Variants in SPTY2D1 observed in about 807,000 individuals in gnomAD.
SPTY2D1 encodes the protein protein SPT2 homolog.
In SPTY2D1, 21 loss-of-function variants were observed where a neutral mutation model predicts 64.0. The ratio of observed to expected loss-of-function variants is 0.33; its 90% CI spans 0.23 to 0.47. SPTY2D1 has a LOEUF of 0.47. Among genes scored for constraint, SPTY2D1 ranks in the 20% least tolerant of loss-of-function variants. The pLI, the probability that SPTY2D1 is intolerant of heterozygous loss-of-function variation, is 1.00. For synonymous variants in SPTY2D1, 287 were observed against 286.8 expected (o/e 1.00, Z -0.01); for missense variants, 724 against 837.2 (o/e 0.86, Z 1.67).
At chr11:18,622,744 G>C (rs1200476324) in intron 1 of SPTY2D1, among the ~76,000 whole-genome samples, 1 of 152,026 alleles carries the variant, frequency 6.6e-6, no homozygotes, top group African/African-American at 2.4e-5. Context: ...CTGAGGTCAG[G>C]AGTTCGAGAC....
Position 18,615,658 on chromosome 11 carries a change from C to G in SPTY2D1, c.616G>C (p.Glu206Gln), listed in dbSNP as rs755581963. Residue 206 changes from glutamate to glutamine, a missense_variant, in exon 3 of 6, where the codon GAA (glutamate) becomes CAA (glutamine). By Grantham distance (29) the Glu-to-Gln change is conservative (BLOSUM62 2). Around this residue, in one of 3 missense-constraint regions of SPTY2D1, gnomAD observed 426 missense variants for 431.8 expected, o/e 0.99. Transcript: ENST00000336349. ...CTCCTATGCTTTCGTTCAAGGAATT[C>G]TCGCTCCCTAAGTTCTTCTGCGGTC... is the stretch of plus-strand genomic sequence containing the variant. Reference protein sequence around the residue: ...PMTAEELREREFLERKHRRKK... With the variant: ...PMTAEELRERQFLERKHRRKK... 12 of 1,614,174 alleles carry G rather than the reference C, an allele frequency of 7.4e-6. No individual in the cohort carries two copies. Among genetic ancestry groups the G allele is most frequent in the Non-Finnish European group, 1.0e-5 (12 of 1,180,030 alleles).
chr11:18,626,723 T>C (rs1389350962), intron 1 of SPTY2D1, among the ~76,000 whole-genome samples: 2 of 152,228 alleles, frequency 1.3e-5, no homozygotes, highest in East Asian at 3.8e-4. Flanking sequence ...AATTAATATA[T>C]AAAGTGCTTA....
At position 18,616,177 on chromosome 11, in the gene SPTY2D1, C is replaced by T. The variant is rs753308598; in HGVS notation, c.176-79G>A. The T allele has an allele frequency of 2.3e-6, 3 of 1,319,506 alleles. No individual in the cohort carries two copies. The African/African-American group carries it at 4.4e-5, about 19-fold the overall frequency. The allele number at this position is 1,319,506 out of a possible 1,614,324, so 81.7% of individuals were successfully genotyped here. On this transcript the variant is annotated intron_variant, in intron 2 of 5. Coordinates refer to ENST00000336349, the MANE Select transcript of SPTY2D1 (RefSeq NM_194285.3). ...TATGCTCAAGTGAAAACACAACGTT[C>T]AGGTTACAGTTTGAAGACATCTAGG...
Position 18,614,957 on chromosome 11 carries a change from T to C in SPTY2D1, c.1317A>G (p.Ala439=), listed in dbSNP as rs61884737. The change falls in exon 3 of 6, where the codon GCA becomes GCG. Residue 439 remains alanine, a synonymous_variant. Coordinates refer to ENST00000336349, the MANE Select transcript of SPTY2D1 (RefSeq NM_194285.3). The part of the protein sequence containing the change: ...VSGTCGPGQP[A]SSSGGPGRPI... ...GTCGCCCAGGGCCACCTGAGCTGCT[T>C]GCAGGTTGTCCAGGGCCACATGTAC... The C allele has an allele frequency of 0.048, 77,593 of 1,614,068 alleles. 2,184 individuals carry two copies. The highest frequency in any genetic ancestry group is 0.054 in the Non-Finnish European group (63,758 of 1,179,986).
Position 18,612,455 on chromosome 11 carries a change from T to C in SPTY2D1, c.1745A>G (p.Lys582Arg). 2 of 1,607,584 alleles carry C rather than the reference T, an allele frequency of 1.2e-6. 1 individual carries two copies. Among genetic ancestry groups the C allele is most frequent in the Non-Finnish European group, 1.7e-6 (2 of 1,176,886 alleles). Residue 582 changes from lysine to arginine, a missense_variant, in exon 4 of 6, where the codon AAA (lysine) becomes AGA (arginine). Coordinates refer to ENST00000336349, the MANE Select transcript of SPTY2D1 (RefSeq NM_194285.3). The surrounding 1 kb of genome is among the most constrained non-coding windows in gnomAD (Gnocchi z 4.6). ...PQRLPFPTGYKRQREYEEEDD... is the reference protein window; with the variant it reads ...PQRLPFPTGYRRQREYEEEDD... ...TTCCTCTTCATATTCTCGCTGCCTT[T>C]TGTAACCAGTAGGGAAGGGAAGCCT... is the stretch of plus-strand genomic sequence containing the variant.
intron 1 of SPTY2D1, among the ~76,000 whole-genome samples, chr11:18,623,792 G>A (rs1376589379): frequency 6.6e-6 from 1 of 152,238 alleles, no homozygotes; most frequent in Non-Finnish European, 1.5e-5. Flanking sequence ...GTTCCATGGA[G>A]AACACTGACA....
intron 1 of SPTY2D1, among the ~76,000 whole-genome samples, chr11:18,622,678 G>A (rs1318076833): frequency 2.0e-5 from 3 of 152,020 alleles, no homozygotes; most frequent in African/African-American, 4.8e-5. Flanking sequence ...CCGGCTGGGC[G>A]CGGTGGCTCA....
chr11:18,628,714 G>C (rs746750883), intron 1 of SPTY2D1, among the ~76,000 whole-genome samples: 3 of 152,132 alleles, frequency 2.0e-5, no homozygotes, highest in African/African-American at 4.8e-5. Context: ...CCAGGACCTC[G>C]TTATTAAGGT....
In SPTY2D1 at chr11:18,606,986, C is replaced by T. The variant is rs911618693; in HGVS notation, c.*2875G>A. 10 of 288,072 alleles carry T rather than the reference C, an allele frequency of 3.5e-5. No individual in the cohort carries two copies. Among genetic ancestry groups the T allele is most frequent in the Admixed American group, 1.2e-4 (2 of 16,234 alleles). 17.8% of individuals were successfully genotyped at this position (288,072 alleles called of 1,614,324 possible). ...AGCGATTCTCCTGCCTCAGCCTCCC[C>T]GGTAGCTGGGATTACAGGTGTGTGC... On this transcript the variant is annotated 3_prime_UTR_variant, in exon 6 of 6. Transcript: ENST00000336349.
At position 18,615,590 on chromosome 11, in the gene SPTY2D1, G is replaced by C. The variant is rs1854286018; in HGVS notation, c.684C>G (p.Ser228=). ...TTTCTTTCTGAGAGGGTGCCTTTTT[G>C]GACACAGTTGGAGGTAGTTTTCCAT... is the stretch of plus-strand genomic sequence containing the variant. The part of the protein sequence containing the change: ...ETDGKLPPTV[S]KKAPSQKESV... The change falls in exon 3 of 6, where the codon TCC becomes TCG. Residue 228 remains serine, a synonymous_variant. Coordinates refer to ENST00000336349, the MANE Select transcript of SPTY2D1 (RefSeq NM_194285.3). The C allele has an allele frequency of 1.2e-6, 2 of 1,614,148 alleles. No individual in the cohort carries two copies. Among genetic ancestry groups the C allele is most frequent in the African/African-American group, 2.7e-5 (2 of 75,044 alleles).
chr11:18,611,002 A>G (rs748653411), intron 5 of SPTY2D1, among the ~76,000 whole-genome samples: 21 of 152,242 alleles, frequency 1.4e-4, no homozygotes, highest in Non-Finnish European at 2.5e-4. Context: ...CTCATTTTAC[A>G]AAAGAAAATA....
chr11:18,624,014 A>T (rs1269065961), intron 1 of SPTY2D1, among the ~76,000 whole-genome samples: 1 of 152,196 alleles, frequency 6.6e-6, no homozygotes, highest in South Asian at 2.1e-4. Context: ...ACATTTGTGT[A>T]CAAGTTTTTA....
intron 1 of SPTY2D1, among the ~76,000 whole-genome samples, chr11:18,618,400 A>C (rs1337858679): frequency 6.6e-6 from 1 of 152,214 alleles, no homozygotes; most frequent in Non-Finnish European, 1.5e-5. Flanking sequence ...AACTGCATCA[A>C]GAAATTACTA....
chr11:18,615,411 A>T lies in SPTY2D1; in HGVS notation c.863T>A (p.Ile288Asn). ...SSSKSMPGER[I>N]KAGSGNSSQP... Reference sequence around the variant, plus strand: ...GGAGCTATTGCCAGATCCTGCCTTGATCCTCTCTCCTGGCATGGATTTGGA... The same window carrying T: ...GGAGCTATTGCCAGATCCTGCCTTGTTCCTCTCTCCTGGCATGGATTTGGA... The change falls in exon 3 of 6, where the codon ATC becomes AAC. Residue 288 changes from isoleucine (I) to asparagine (N), a missense_variant. Around this residue, in one of 3 missense-constraint regions of SPTY2D1, gnomAD observed 426 missense variants for 431.8 expected, o/e 0.99. Coordinates refer to ENST00000336349, the MANE Select transcript of SPTY2D1 (RefSeq NM_194285.3). The T allele has an allele frequency of 6.2e-7, 1 of 1,614,012 alleles. No homozygotes were observed. Among genetic ancestry groups the T allele is most frequent in the Non-Finnish European group, 8.5e-7 (1 of 1,180,008 alleles).
intron 1 of SPTY2D1, among the ~76,000 whole-genome samples, chr11:18,619,689 G>A (rs1386800240): frequency 2.0e-5 from 3 of 151,990 alleles, no homozygotes; most frequent in African/African-American, 4.8e-5. Flanking sequence ...CCAGGGAGTC[G>A]GAGGCTGCAG....
chr11:18,613,414 T>C (rs568530796), intron 3 of SPTY2D1, among the ~76,000 whole-genome samples: 3 of 152,382 alleles, frequency 2.0e-5, no homozygotes, highest in South Asian at 4.1e-4. Context: ...GTTTTTAATA[T>C]GCATGGCTTG....
Position 18,616,110 on chromosome 11 carries a change from A to G in SPTY2D1, c.176-12T>C. On this transcript the variant is annotated splice_polypyrimidine_tract_variant and intron_variant, in intron 2 of 5. Transcript: ENST00000336349. ...TTTCTCCTCTAAGGCTAAAAGGGACAAAACAAGAATATGTTATTACTTCGA... is the reference window on the plus strand; with the variant it reads ...TTTCTCCTCTAAGGCTAAAAGGGACGAAACAAGAATATGTTATTACTTCGA... The G allele has an allele frequency of 6.3e-7, 1 of 1,577,640 alleles. No individual in the cohort carries two copies. The highest frequency in any genetic ancestry group is 8.6e-7 in the Non-Finnish European group (1 of 1,163,410).
chr11:18,621,032 G>C (rs756041089), intron 1 of SPTY2D1, among the ~76,000 whole-genome samples: 25 of 152,008 alleles, frequency 1.6e-4, no homozygotes, highest in Non-Finnish European at 3.2e-4. Context: ...GGCCGGGCGT[G>C]GTGGCTCATG....
At chr11:18,616,849 T>C (rs766864004) in intron 2 of SPTY2D1, 26 bp downstream of exon 2, 31 of 1,603,320 alleles carry the variant, frequency 1.9e-5, no homozygotes, top group Non-Finnish European at 4.3e-6. Flanking sequence ...TACTTTAAAA[T>C]TGAGAATAAG....
Sources: allele counts gnomAD v4.1 joint callset (sites outside exome capture counted in the v4.1 genomes callset), GRCh38; gene constraint gnomAD v4.1.1; regional missense constraint gnomAD v4.1.1; non-coding constraint Gnocchi (gnomAD v3.1); transcripts MANE v1.5; gene names NCBI Gene and HGNC (gene_info 2026-07-23, HGNC 2026-07-21).